PCDHA2: variants seen among roughly 807,000 people sequenced by gnomAD.
PCDHA2 encodes protocadherin alpha 2, also known as protocadherin alpha-2.
In PCDHA2, 58 loss-of-function variants were observed where a neutral mutation model predicts 66.0. That is an observed-to-expected ratio of 0.88 (90% CI 0.71 to 1.09). PCDHA2 has a LOEUF of 1.09. Among genes scored for constraint, PCDHA2 ranks in the 50% least tolerant of loss-of-function variants. PCDHA2 has a pLI of 0.00. For missense variants in PCDHA2, 1,267 were observed against 1,242.3 expected, an observed-to-expected ratio of 1.02 and a Z score of -0.30; for synonymous variants, 634 against 554.0, an observed-to-expected ratio of 1.14 and a Z score of -2.03.
chr5:140,822,414 A>T, intron 1 of PCDHA2: 2 of 1,614,090 alleles, frequency 1.2e-6, no homozygotes, highest in Non-Finnish European at 1.7e-6. Flanking sequence ...TAGTGATTGC[A>T]ACTGATGGAG....
At chr5:140,841,102 G>A (rs2150311111) in intron 1 of PCDHA2, 21 of 575,248 alleles carry the variant, frequency 3.7e-5, no homozygotes, top group Non-Finnish European at 9.0e-6. Flanking sequence ...CAGATATTGC[G>A]GAAGTAATTC....
chr5:140,829,666 C>G, intron 1 of PCDHA2: 1 of 1,612,840 alleles, frequency 6.2e-7, no homozygotes, highest in Non-Finnish European at 8.5e-7. Context: ...CGCTGGACCA[C>G]GAGGAGCTAG....
At chr5:140,816,334 G>T (rs1055491269) in intron 1 of PCDHA2, 1 of 152,042 alleles carries the variant, frequency 6.6e-6, no homozygotes, top group African/African-American at 2.4e-5. Flanking sequence ...GTATTCTTCA[G>T]TTCCAAAATT....
At chr5:140,936,640 C>T (rs782162757) in intron 1 of PCDHA2, among the ~76,000 whole-genome samples, 2 of 152,208 alleles carry the variant, frequency 1.3e-5, no homozygotes, top group Non-Finnish European at 2.9e-5. Flanking sequence ...TCATAAGCAA[C>T]GTGACTTTAT....
intron 1 of PCDHA2, among the ~76,000 whole-genome samples, chr5:140,895,301 C>T (rs2064953096): frequency 6.6e-6 from 1 of 152,000 alleles, no homozygotes; most frequent in Non-Finnish European, 1.5e-5. Flanking sequence ...TCGATTTCCC[C>T]CCTTCCACCC....
chr5:141,009,820 CT>C lies in PCDHA2; in HGVS notation c.2732del (p.Phe911SerfsTer2). On this transcript the variant is annotated frameshift_variant, in exon 4 of 4. Transcript: ENST00000526136. LOFTEE classifies it high-confidence loss of function. ...CTAACAGCCAAATTGACAAAAGTGACTTCATAACCTTCGGCAAAAAGGAGGA... is the reference window on the plus strand; with the variant it reads ...CTAACAGCCAAATTGACAAAAGTGACTCATAACCTTCGGCAAAAAGGAGGA... ...PTNSQIDKSDFITFGKKEETK... is the reference protein window; with the variant it reads ...PTNSQIDKSDXITFGKKEETK... 6.2e-7 allele frequency: 1 copy of C among 1,613,960 alleles called. No individual in the cohort carries two copies. Among genetic ancestry groups the C allele is most frequent in the Non-Finnish European group, 8.5e-7 (1 of 1,179,996 alleles).
chr5:140,823,031 T>C (rs2150064993), intron 1 of PCDHA2: 5 of 1,614,188 alleles, frequency 3.1e-6, no homozygotes, highest in South Asian at 1.1e-5. Context: ...AGCGTGTCGG[T>C]CTATGAGCTG....
Position 140,827,991 on chromosome 5 carries a change from T to C in PCDHA2, c.2388+30639T>C, listed in dbSNP as rs1173902795. 6.1e-6 allele frequency: 9 copies of C among 1,468,882 alleles called. No individual in the cohort carries two copies. The African/African-American group carries it at 8.5e-5, about 14-fold the overall frequency. The allele number at this position is 1,468,882 out of a possible 1,614,324, so 91.0% of individuals were successfully genotyped here. On this transcript the variant is annotated intron_variant, in intron 1 of 3. Transcript: ENST00000526136. ...GCATCATTCCCTGACTGTTGAATGA[T>C]GGCGGACGCAGAAGAAATGGATTAA...
intron 1 of PCDHA2, chr5:140,863,675 G>T (rs782582155): frequency 1.1e-4 from 31 of 292,406 alleles, no homozygotes; most frequent in South Asian, 4.0e-4. Context: ...TTTTGCTTTT[G>T]CTTTTTCTTT....
At chr5:140,844,381 T>C (rs1554140633) in intron 1 of PCDHA2, among the ~76,000 whole-genome samples, 1 of 149,612 alleles carries the variant, frequency 6.7e-6, no homozygotes, top group African/African-American at 2.4e-5. Flanking sequence ...TTCTTTTAAT[T>C]CATTATTTAG....
At chr5:140,967,593 T>C (rs2096161783) in intron 1 of PCDHA2, 2 of 1,614,078 alleles carry the variant, frequency 1.2e-6, no homozygotes, top group Non-Finnish European at 1.7e-6. Context: ...GGCACATTGG[T>C]GGTGAAGCTG....
chr5:140,909,767 G>A (rs114075983), intron 1 of PCDHA2, among the ~76,000 whole-genome samples: 11,557 of 152,088 alleles, frequency 0.076, 504 homozygotes, highest in Middle Eastern at 0.14. Context: ...TGAGTCCAGG[G>A]ACCCACTGGA....
At chr5:140,927,889 G>T (rs1554205185) in intron 1 of PCDHA2, 1 of 1,614,226 alleles carries the variant, frequency 6.2e-7, no homozygotes, top group Non-Finnish European at 8.5e-7. Context: ...GGTGACTGAC[G>T]TGAACGATCA....
chr5:140,903,023 G>A (rs1554190732), intron 1 of PCDHA2, among the ~76,000 whole-genome samples: 1 of 152,126 alleles, frequency 6.6e-6, no homozygotes, highest in East Asian at 1.9e-4. Context: ...TATCAACATG[G>A]CTTGCACATG....
chr5:140,856,535 G>C (rs782625131), intron 1 of PCDHA2: 1 of 1,598,416 alleles, frequency 6.3e-7, no homozygotes, highest in Non-Finnish European at 8.6e-7. Flanking sequence ...GGATGTTGGA[G>C]AGAACGCATT....
At position 140,803,133 on chromosome 5, in the gene PCDHA2, C is replaced by T. The variant is rs1554122593; in HGVS notation, c.2388+5781C>T. The T allele has an allele frequency of 3.1e-6, 5 of 1,613,844 alleles. No individual in the cohort carries two copies. The South Asian group carries it at 4.4e-5, about 14-fold the overall frequency. ...GGACGAGGTGGACGCCCCGCGCCAT[C>T]GCCTACTGGTGCTGGTGAAGGACCA... is the stretch of plus-strand genomic sequence containing the variant. On this transcript the variant is annotated intron_variant, in intron 1 of 3. Transcript: ENST00000526136.
chr5:140,809,621 T>C, intron 1 of PCDHA2: 1 of 1,510,150 alleles, frequency 6.6e-7, no homozygotes, highest in Non-Finnish European at 8.9e-7. Flanking sequence ...TTTTTCTCTA[T>C]CAACTTCTTC....
At chr5:140,877,599 C>T (rs1325384029) in intron 1 of PCDHA2, 5 of 1,613,882 alleles carry the variant, frequency 3.1e-6, no homozygotes, top group East Asian at 2.2e-5. Context: ...CGGTGTCCAG[C>T]CTGCTGGTGC....
At chr5:140,909,835 C>T (rs1554193946) in intron 1 of PCDHA2, among the ~76,000 whole-genome samples, 2 of 152,068 alleles carry the variant, frequency 1.3e-5, no homozygotes, top group Non-Finnish European at 2.9e-5. Context: ...AACTGGAGGA[C>T]CACCAGGACG....
Sources: gnomAD v4.1 joint callset for allele counts (sites outside exome capture counted in the v4.1 genomes callset) on GRCh38, gnomAD v4.1.1 for gene constraint, MANE v1.5 for transcripts, NCBI Gene and HGNC (gene_info 2026-07-23, HGNC 2026-07-21) for gene names.